The following SIL1 variants were observed in gnomAD, a reference collection of about 807,000 sequenced individuals.
The protein encoded by SIL1 is nucleotide exchange factor SIL1.
Under a neutral mutation model 49.1 loss-of-function variants are expected in SIL1, and 40 were observed. The observed-to-expected ratio is 0.81, with a 90% CI of 0.63 to 1.06. The LOEUF (loss-of-function observed/expected upper bound fraction) is 1.06. Ranked by LOEUF, SIL1 falls within the 50% of genes least tolerant of loss-of-function variation. The pLI, the probability that SIL1 is intolerant of heterozygous loss-of-function variation, is 0.00. For missense variants in SIL1, 500 were observed against 572.6 expected (o/e 0.87, Z 1.29); for synonymous variants, 253 against 250.8 (o/e 1.01, Z -0.08).
intron 1 of SIL1, among the ~76,000 whole-genome samples, chr5:139,190,175 A>G (rs1752142292): frequency 6.6e-6 from 1 of 152,106 alleles, no homozygotes; most frequent in Admixed American, 6.6e-5. Flanking sequence ...TCTGAAATAC[A>G]CTCATTCCTT....
At chr5:139,059,443 G>A (rs2150463466) in intron 3 of SIL1, among the ~76,000 whole-genome samples, 1 of 152,238 alleles carries the variant, frequency 6.6e-6, no homozygotes, top group East Asian at 1.9e-4. Flanking sequence ...CCAGTCTCAG[G>A]TATGTCTTTA....
chr5:139,142,779 T>A (rs1751105936), intron 1 of SIL1, among the ~76,000 whole-genome samples: 2 of 151,734 alleles, frequency 1.3e-5, no homozygotes, highest in African/African-American at 4.8e-5. Context: ...ATTTATTTAT[T>A]TTTTTTTGAG....
chr5:139,076,093 A>T (rs1769943096), intron 3 of SIL1, among the ~76,000 whole-genome samples: 1 of 152,228 alleles, frequency 6.6e-6, no homozygotes, highest in Non-Finnish European at 1.5e-5. Context: ...GAAGCAGCTA[A>T]TTTACAGTCC....
chr5:139,161,562 C>T (rs558177889), intron 1 of SIL1, among the ~76,000 whole-genome samples: 49 of 152,322 alleles, frequency 3.2e-4, no homozygotes, highest in African/African-American at 1.1e-3. Context: ...CTGTTCTAGA[C>T]ACTCTCTCTT....
At chr5:139,153,410 C>A (rs1445831260) in intron 1 of SIL1, among the ~76,000 whole-genome samples, 1 of 152,188 alleles carries the variant, frequency 6.6e-6, no homozygotes, top group Non-Finnish European at 1.5e-5. Context: ...AGACCTTAAC[C>A]ATTGCAAGGA....
intron 5 of SIL1, among the ~76,000 whole-genome samples, chr5:139,028,029 T>C (rs1002174431): frequency 6.6e-6 from 1 of 152,026 alleles, no homozygotes; most frequent in African/African-American, 2.4e-5. Flanking sequence ...TGAGATACTC[T>C]CCCTGCACCC....
At chr5:139,097,917 A>G (rs1770505492) in intron 3 of SIL1, among the ~76,000 whole-genome samples, 2 of 152,258 alleles carry the variant, frequency 1.3e-5, no homozygotes, top group Admixed American at 1.3e-4. Flanking sequence ...AATGAAAACT[A>G]TAAAACACTG....
chr5:139,162,079 C>T (rs1368570456), intron 1 of SIL1, among the ~76,000 whole-genome samples: 1 of 152,088 alleles, frequency 6.6e-6, no homozygotes, highest in Non-Finnish European at 1.5e-5. Context: ...GAGCAGTCCC[C>T]CTACAGTCTC....
At chr5:139,036,480 GAT>G (rs1768913387) in intron 5 of SIL1, among the ~76,000 whole-genome samples, 1 of 152,140 alleles carries the variant, frequency 6.6e-6, no homozygotes, top group Non-Finnish European at 1.5e-5. Flanking sequence ...GCCCATCAAA[GAT>G]AGACTGGGCA....
chr5:139,198,086 G>C (rs1752315058), intron 1 of SIL1, among the ~76,000 whole-genome samples, 183 bp downstream of exon 1: 1 of 152,218 alleles, frequency 6.6e-6, no homozygotes, highest in South Asian at 2.1e-4. Context: ...AGATAAGAAA[G>C]GTAGGCCTTC....
At chr5:139,130,734 C>T in intron 1 of SIL1, among the ~76,000 whole-genome samples, 1 of 152,146 alleles carries the variant, frequency 6.6e-6, no homozygotes, top group East Asian at 1.9e-4. Flanking sequence ...ATCCAAGTGC[C>T]ATCAAAAGAT....
intron 3 of SIL1, among the ~76,000 whole-genome samples, chr5:139,085,616 G>A (rs1169612200): frequency 6.6e-6 from 1 of 152,168 alleles, no homozygotes; most frequent in Non-Finnish European, 1.5e-5. Context: ...GTTTCAAGGT[G>A]AGGTAACTGG....
intron 1 of SIL1, among the ~76,000 whole-genome samples, chr5:139,185,498 T>C (rs1180009000): frequency 2.0e-5 from 3 of 152,364 alleles, no homozygotes; most frequent in South Asian, 4.1e-4. Context: ...CAATGAGCCA[T>C]AGTAAAATTG....
At chr5:138,949,741 G>A (rs13154087) in intron 9 of SIL1, among the ~76,000 whole-genome samples, 136 of 146,392 alleles carry the variant, frequency 9.3e-4, no homozygotes, top group Non-Finnish European at 1.5e-3. Context: ...AGTCTGGGAG[G>A]CAGAGTTTAC....
intron 7 of SIL1, among the ~76,000 whole-genome samples, chr5:138,981,348 A>G (rs115629882): frequency 0.019 from 2,872 of 152,232 alleles, 81 homozygotes; most frequent in African/African-American, 0.06. Context: ...TCAGGTTCTC[A>G]ACAGTCTCCA....
chr5:139,094,680 T>C lies in SIL1; in HGVS notation c.244+26355A>G, dbSNP rs533283059. ...CTCAGTTTCAGTTCCCCTAATGCTA[T>C]CATCTTATATTACCATAGTACAGTT... On this transcript the variant is annotated intron_variant, in intron 3 of 9. Coordinates refer to ENST00000394817, the MANE Select transcript of SIL1 (RefSeq NM_022464.5). Among the ~76,000 whole-genome samples, 8 of 152,348 alleles carry C rather than the reference T, an allele frequency of 5.3e-5. No individual in the cohort carries two copies. In the South Asian group the frequency reaches 1.7e-3, roughly 32 times the overall value.
rs146473135 is a variant in SIL1, at chr5:138,976,299, A to G, written c.768-24415T>C. 1.4e-4 allele frequency among the ~76,000 whole-genome samples: 21 copies of G among 149,256 alleles called. No individual in the cohort carries two copies. In the East Asian group the frequency reaches 4.1e-3, roughly 29 times the overall value. On this transcript the variant is annotated intron_variant, in intron 7 of 9. Transcript: ENST00000394817. Reference sequence around the variant, plus strand: ...TGCCCGGTGCATGCTCAGTATTCTTATATTACCTCTCTTTTTTTTTTTTTT... The same window carrying G: ...TGCCCGGTGCATGCTCAGTATTCTTGTATTACCTCTCTTTTTTTTTTTTTT...
intron 3 of SIL1, among the ~76,000 whole-genome samples, chr5:139,092,651 T>A (rs913703061): frequency 6.6e-6 from 1 of 152,144 alleles, no homozygotes; most frequent in African/African-American, 2.4e-5. Flanking sequence ...AACCGCTACA[T>A]CTTTGGGCTC....
chr5:139,005,036 G>A (rs1237837337), intron 7 of SIL1, among the ~76,000 whole-genome samples: 1 of 152,136 alleles, frequency 6.6e-6, no homozygotes, highest in South Asian at 2.1e-4. Flanking sequence ...AGATGGACAG[G>A]AGGATTAAGT....
Sources: allele counts gnomAD v4.1 joint callset (sites outside exome capture counted in the v4.1 genomes callset), GRCh38; gene constraint gnomAD v4.1.1; transcripts MANE v1.5; gene names NCBI Gene and HGNC (gene_info 2026-07-23, HGNC 2026-07-21).